Variants in PARD3B observed in about 807,000 individuals in gnomAD.
The protein encoded by PARD3B is par-3 family cell polarity regulator beta, also known as partitioning defective 3 homolog B.
PARD3B carries 103 observed loss-of-function variants against 130.2 expected under a neutral mutation model. That is an observed-to-expected ratio of 0.79 (90% CI 0.67 to 0.93). PARD3B has a LOEUF of 0.93. PARD3B is among the 40% of genes least tolerant of loss of function. The pLI is 0.00. For synonymous variants in PARD3B, 583 were observed against 553.2 expected (o/e 1.05, Z -0.76); for missense variants, 1,609 against 1,499.2 (o/e 1.07, Z -1.21).
chr2:204,546,928 GCCTCTGGGACTT>G (rs1426202682), intron 1 of PARD3B, among the ~76,000 whole-genome samples: 4 of 152,266 alleles, frequency 2.6e-5, no homozygotes, highest in African/African-American at 9.6e-5. Flanking sequence ...GTAACATTGG[GCCTCTGGGACTT>G]CCTCAGTGAA....
At chr2:205,383,109 T>TAGATAGATAGATAGATAGAGAGATAGAG (rs1553500321) in intron 18 of PARD3B, among the ~76,000 whole-genome samples, 1 of 144,884 alleles carries the variant, frequency 6.9e-6, no homozygotes, top group African/African-American at 2.5e-5. Context: ...GATAGATAGA[T>TAGATAGATAGATAGATAGAGAGATAGAG]AGATAGATAG....
intron 10 of PARD3B, among the ~76,000 whole-genome samples, chr2:205,143,418 T>C (rs1053836195): frequency 2.0e-5 from 3 of 152,230 alleles, no homozygotes; most frequent in Non-Finnish European, 4.4e-5. Context: ...CTTAACTTTG[T>C]TGGAAAATTA....
At chr2:204,867,159 T>A (rs192035639) in intron 2 of PARD3B, among the ~76,000 whole-genome samples, 1 of 152,206 alleles carries the variant, frequency 6.6e-6, no homozygotes, top group African/African-American at 2.4e-5. Flanking sequence ...GTTGATTTTT[T>A]TTTTCAGGAA....
intron 2 of PARD3B, among the ~76,000 whole-genome samples, chr2:204,711,526 A>AT (rs1175183313): frequency 6.6e-6 from 1 of 152,100 alleles, no homozygotes; most frequent in Non-Finnish European, 1.5e-5. Flanking sequence ...AAAATAAAAA[A>AT]TTAAGTTATA....
At chr2:205,614,595 A>G (rs1187124905) in intron 22 of PARD3B, among the ~76,000 whole-genome samples, 1 of 151,704 alleles carries the variant, frequency 6.6e-6, no homozygotes, top group South Asian at 2.1e-4. Context: ...AGTTCCATCT[A>G]CTCGGTAGGC....
intron 2 of PARD3B, among the ~76,000 whole-genome samples, chr2:204,881,191 T>C (rs1433174083): frequency 6.6e-6 from 1 of 152,236 alleles, no homozygotes; most frequent in Non-Finnish European, 1.5e-5. Flanking sequence ...TCTTTTGTTT[T>C]CAAAGTATGC....
chr2:205,300,792 A>G lies in PARD3B; in HGVS notation c.2392+56A>G. The G allele has an allele frequency of 6.6e-7, 1 of 1,504,208 alleles. No homozygotes were observed. The highest frequency in any genetic ancestry group is 1.2e-5 in the South Asian group (1 of 85,406). The allele number at this position is 1,504,208 out of a possible 1,614,324, so 93.2% of individuals were successfully genotyped here. Reference sequence around the variant, plus strand: ...TTCATCTCATTATTATCTGCAAATCATGGGCAAGAATGTGTGCTCAACTAC... The same window carrying G: ...TTCATCTCATTATTATCTGCAAATCGTGGGCAAGAATGTGTGCTCAACTAC... On this transcript the variant is annotated intron_variant, in intron 17 of 22. Coordinates refer to ENST00000406610, the MANE Select transcript of PARD3B (RefSeq NM_001302769.2). This position sits in a 1 kb window ranked among gnomAD's most constrained non-coding sequence, Gnocchi z 4.1.
chr2:204,629,329 C>T (rs2034601223), intron 1 of PARD3B, among the ~76,000 whole-genome samples: 1 of 152,166 alleles, frequency 6.6e-6, no homozygotes, highest in Non-Finnish European at 1.5e-5. Flanking sequence ...TTTTTACATA[C>T]CGTGCTCCTG....
At chr2:205,037,644 A>G (rs892270794) in intron 3 of PARD3B, among the ~76,000 whole-genome samples, 1 of 147,098 alleles carries the variant, frequency 6.8e-6, no homozygotes, top group Non-Finnish European at 1.5e-5. Flanking sequence ...TAAAATATGT[A>G]TATAGTGGAC....
intron 2 of PARD3B, among the ~76,000 whole-genome samples, chr2:204,696,819 C>T (rs552809547): frequency 2.6e-5 from 4 of 152,056 alleles, no homozygotes; most frequent in South Asian, 4.2e-4. Flanking sequence ...AGCTTTACTT[C>T]GATGTTATGA....
At chr2:205,598,625 G>A (rs1418697020) in intron 22 of PARD3B, among the ~76,000 whole-genome samples, 2 of 152,208 alleles carry the variant, frequency 1.3e-5, no homozygotes, top group East Asian at 1.9e-4. Flanking sequence ...GACCTAATAG[G>A]CATCTACAAA....
intron 16 of PARD3B, among the ~76,000 whole-genome samples, chr2:205,257,815 C>T (rs867933126): frequency 6.6e-6 from 1 of 152,088 alleles, no homozygotes; most frequent in Non-Finnish European, 1.5e-5. Context: ...CTTCTATCAG[C>T]ATTTCCATAG....
intron 16 of PARD3B, among the ~76,000 whole-genome samples, chr2:205,255,271 C>T (rs2040031427): frequency 6.6e-6 from 1 of 152,144 alleles, no homozygotes; most frequent in Admixed American, 6.5e-5. Flanking sequence ...TCAACTCACA[C>T]TTCTGCTCCA....
intron 11 of PARD3B, among the ~76,000 whole-genome samples, chr2:205,163,419 G>A (rs997375614): frequency 1.3e-5 from 2 of 152,220 alleles, no homozygotes; most frequent in African/African-American, 4.8e-5. Context: ...AATTGTAAAT[G>A]TATGCACTCA....
intron 2 of PARD3B, among the ~76,000 whole-genome samples, chr2:204,925,366 G>A (rs1276046685): frequency 6.6e-6 from 1 of 152,000 alleles, no homozygotes; most frequent in Non-Finnish European, 1.5e-5. Context: ...AGCTGGGATT[G>A]AGACAATGCC....
chr2:204,556,569 T>A (rs1011710092), intron 1 of PARD3B, among the ~76,000 whole-genome samples: 3 of 152,024 alleles, frequency 2.0e-5, no homozygotes, highest in Non-Finnish European at 2.9e-5. Flanking sequence ...ACATTCTAGG[T>A]GGAGGGAAAA....
At chr2:204,872,482 A>AT (rs1004904402) in intron 2 of PARD3B, among the ~76,000 whole-genome samples, 16 of 152,124 alleles carry the variant, frequency 1.1e-4, no homozygotes, top group Middle Eastern at 3.4e-3. Flanking sequence ...AAAGGTATTC[A>AT]TTTTTTGTGT....
chr2:205,125,728 C>T lies in PARD3B; in HGVS notation c.1425C>T (p.Pro475=), dbSNP rs373104225. The T allele has an allele frequency of 7.4e-6, 12 of 1,613,806 alleles. No individual in the cohort carries two copies. The African/African-American group carries it at 1.2e-4, about 16-fold the overall frequency. ...CCCGCCAAGAAGGACATTTTCTGCC[C>T]CGAGAGTTGGTAATGTTCAGATCTC... is the stretch of plus-strand genomic sequence containing the variant. The part of the protein sequence containing the change: ...VIARQEGHFL[P]RELKGEPDCC... The change falls in exon 10 of 23, where the codon CCC becomes CCT. Residue 475 remains proline (P), a synonymous_variant. Coordinates refer to ENST00000406610, the MANE Select transcript of PARD3B (RefSeq NM_001302769.2). This position sits in a 1 kb window ranked among gnomAD's most constrained non-coding sequence, Gnocchi z 4.0.
At chr2:204,864,603 A>C (rs186180492) in intron 2 of PARD3B, among the ~76,000 whole-genome samples, 3 of 152,296 alleles carry the variant, frequency 2.0e-5, no homozygotes, top group Admixed American at 1.3e-4. Context: ...AATATTAAAC[A>C]TCACTTTCCT....
Sources: allele counts gnomAD v4.1 joint callset (sites outside exome capture counted in the v4.1 genomes callset), GRCh38; gene constraint gnomAD v4.1.1; non-coding constraint Gnocchi (gnomAD v3.1); transcripts MANE v1.5; gene names NCBI Gene and HGNC (gene_info 2026-07-23, HGNC 2026-07-21).